TRIM33: variants seen among roughly 807,000 people sequenced by gnomAD.
TRIM33 encodes tripartite motif containing 33.
TRIM33 carries 20 observed loss-of-function variants against 125.4 expected under a neutral mutation model. The observed-to-expected ratio is 0.16, with a 90% CI of 0.11 to 0.23. TRIM33 has a LOEUF of 0.23. TRIM33 is among the 10% of genes least tolerant of loss of function. The pLI is 1.00. For missense variants in TRIM33, 920 were observed against 1,411.4 expected (o/e 0.65, Z 5.58); for synonymous variants, 564 against 513.9 (o/e 1.10, Z -1.32).
In TRIM33 at chr1:114,394,154, G is replaced by A. The variant is rs577576005; in HGVS notation, c.*3494C>T. 2 of 229,114 alleles carry A rather than the reference G, an allele frequency of 8.7e-6. No homozygotes were observed. The allele number at this position is 229,114 out of a possible 1,614,324, so 14.2% of individuals were successfully genotyped here. Reference sequence around the variant, plus strand: ...TTAAGAATCTGTTTTAACTAAGGGAGTTGGGTGCGTGGATTTTTTATAAAA... The same window carrying A: ...TTAAGAATCTGTTTTAACTAAGGGAATTGGGTGCGTGGATTTTTTATAAAA... On this transcript the variant is annotated 3_prime_UTR_variant, in exon 20 of 20. Transcript: ENST00000358465.
rs539512929 is a variant in TRIM33 at position 114,462,803 on chromosome 1, C to A, written c.923+301G>T. On this transcript the variant is annotated intron_variant, in intron 4 of 19. Coordinates refer to ENST00000358465, the MANE Select transcript of TRIM33 (RefSeq NM_015906.4). ...TACAGCCAAAAATACTATAGGACACCAAGAAAAAGCTTATTTGAATCACAG... is the reference window on the plus strand; with the variant it reads ...TACAGCCAAAAATACTATAGGACACAAAGAAAAAGCTTATTTGAATCACAG... 1.6e-3 allele frequency among the ~76,000 whole-genome samples: 241 copies of A among 152,014 alleles called. 4 individuals are homozygous for A. The highest frequency in any genetic ancestry group is 5.6e-3 in the African/African-American group (234 of 41,492).
chr1:114,404,422 AG>A (rs1191985975), intron 15 of TRIM33: 1 of 152,196 alleles, frequency 6.6e-6, no homozygotes, highest in Non-Finnish European at 1.5e-5. Flanking sequence ...CTGGGATTAC[AG>A]GTGTGAGCTA....
At chr1:114,403,027 G>T in intron 15 of TRIM33, 144 bp from the exon 16 acceptor site, 2 of 762,114 alleles carry the variant, frequency 2.6e-6, no homozygotes, top group Admixed American at 3.5e-5. Context: ...ATCTCGTCAG[G>T]TGAAGTCATG....
intron 7 of TRIM33, 71 bp from the exon 8 acceptor site, chr1:114,427,365 T>A: frequency 1.1e-5 from 9 of 851,140 alleles, no homozygotes; most frequent in Admixed American, 7.0e-5. Flanking sequence ...ATAAAGACAT[T>A]AAGAAAAAAA....
chr1:114,452,912 C>G (rs1216067699), intron 4 of TRIM33, among the ~76,000 whole-genome samples: 3 of 150,886 alleles, frequency 2.0e-5, no homozygotes, highest in Admixed American at 6.6e-5. Flanking sequence ...CTCCTAAAAA[C>G]AAACAACCCA....
At chr1:114,438,663 G>C (rs763347413) in intron 4 of TRIM33, among the ~76,000 whole-genome samples, 13 of 151,988 alleles carry the variant, frequency 8.6e-5, no homozygotes, top group Non-Finnish European at 1.5e-4. Flanking sequence ...AGATGACTTT[G>C]ACAACCCTCT....
chr1:114,418,012 G>A (rs1343885901), intron 11 of TRIM33, among the ~76,000 whole-genome samples: 1 of 152,152 alleles, frequency 6.6e-6, no homozygotes. Flanking sequence ...CAATGAAACT[G>A]CATCAGTTCG....
At chr1:114,428,369 T>C (rs1647725308) in intron 6 of TRIM33, among the ~76,000 whole-genome samples, 2 of 152,226 alleles carry the variant, frequency 1.3e-5, no homozygotes, top group South Asian at 4.1e-4. Flanking sequence ...TCCAGAGTTC[T>C]AAGAGTAGAA....
intron 5 of TRIM33, among the ~76,000 whole-genome samples, chr1:114,432,019 GAAGA>G (rs1212675001): frequency 4.6e-5 from 7 of 152,008 alleles, no homozygotes; most frequent in Non-Finnish European, 8.8e-5. Context: ...GTTCAGTTTT[GAAGA>G]AAGAAAAAAA....
chr1:114,443,006 G>A (rs1256100651), intron 4 of TRIM33, among the ~76,000 whole-genome samples: 2 of 151,220 alleles, frequency 1.3e-5, no homozygotes, highest in East Asian at 3.9e-4. Flanking sequence ...TAATTCAAAA[G>A]TCCAATTCTA....
chr1:114,402,306 G>C lies in TRIM33; in HGVS notation c.2892+454C>G, dbSNP rs377274923. On this transcript the variant is annotated intron_variant, in intron 16 of 19. Coordinates refer to ENST00000358465, the MANE Select transcript of TRIM33 (RefSeq NM_015906.4). ...AACTATAAAGGTCAAGAGCAGAAGC[G>C]GGGAGAGCAGTTAAGAGATCACTAC... Among the ~76,000 whole-genome samples the C allele has an allele frequency of 1.6e-4, 24 of 152,230 alleles. 1 individual carries two copies. Among genetic ancestry groups the C allele is most frequent in the Middle Eastern group, 3.4e-3 (1 of 292 alleles).
At chr1:114,486,451 G>A (rs1381902243) in intron 1 of TRIM33, among the ~76,000 whole-genome samples, 2 of 145,012 alleles carry the variant, frequency 1.4e-5, no homozygotes, top group African/African-American at 5.2e-5. Context: ...GAGAAACTCC[G>A]TTTCTAACAA....
intron 5 of TRIM33, among the ~76,000 whole-genome samples, chr1:114,432,614 G>A (rs1215240432): frequency 4.6e-5 from 7 of 151,980 alleles, no homozygotes; most frequent in East Asian, 1.9e-4. Context: ...GTGAAACCCC[G>A]TCTCTACTAA....
Position 114,433,733 on chromosome 1 carries a change from C to A in TRIM33, c.924G>T (p.Arg308Ser). Reference protein sequence around the residue: ...DCQLLEHKEHRYQFLEEAFQN... With the variant: ...DCQLLEHKEHSYQFLEEAFQN... ...GAAAAGCTTCTTCCAAAAACTGATA[C>A]CTTAAAACCAAAACAAAACTACATT... is the stretch of plus-strand genomic sequence containing the variant. Residue 308 changes from arginine to serine, a missense_variant and splice_region_variant, in exon 5 of 20, where the codon AGG becomes AGT. Around this residue, in one of 8 missense-constraint regions of TRIM33, gnomAD observed 50 missense variants for 110.8 expected, o/e 0.45. Transcript: ENST00000358465. 2 of 1,567,078 alleles carry A rather than the reference C, an allele frequency of 1.3e-6. No individual in the cohort carries two copies. Among genetic ancestry groups the A allele is most frequent in the South Asian group, 1.2e-5 (1 of 85,996 alleles).
chr1:114,499,397 TA>T lies in TRIM33; in HGVS notation c.526+11153del, dbSNP rs879525344. Reference sequence around the variant, plus strand: ...GTGCATAAGCAAAGAACAGTGAAATTAAAAAAAAAAAAATCTGACCAACAGC... The same window carrying T: ...GTGCATAAGCAAAGAACAGTGAAATTAAAAAAAAAAAATCTGACCAACAGC... On this transcript the variant is annotated intron_variant, in intron 1 of 19. Coordinates refer to ENST00000358465, the MANE Select transcript of TRIM33 (RefSeq NM_015906.4). Among the ~76,000 whole-genome samples, 1,212 of 143,164 alleles carry T rather than the reference TA, an allele frequency of 8.5e-3. 4 individuals carry two copies. Among genetic ancestry groups the T allele is most frequent in the Admixed American group, 0.017 (245 of 14,422 alleles). The allele number at this position is 143,164 out of a possible 152,430, so 93.9% of individuals were successfully genotyped here. A position where few individuals can be genotyped will look rare whatever the true frequency, so the allele number is the denominator to read the frequency against.
At chr1:114,428,011 A>ATCAT in intron 6 of TRIM33, 117 bp from the exon 7 acceptor site, 1 of 1,034,278 alleles carries the variant, frequency 9.7e-7, no homozygotes, top group Non-Finnish European at 1.4e-6. Context: ...TAAGTGAATA[A>ATCAT]GCTCCATGAT....
intron 1 of TRIM33, among the ~76,000 whole-genome samples, chr1:114,474,409 TAA>T (rs35612457): frequency 7.3e-6 from 1 of 136,268 alleles, no homozygotes; most frequent in Non-Finnish European, 1.6e-5. Context: ...TTCTACAAAT[TAA>T]AAAAAAAAAA....
chr1:114,397,174 G>C lies in TRIM33; in HGVS notation c.*474C>G, dbSNP rs545333529. ...CATTAAAGTAGAATCTGAGCTACTT[G>C]GGTTTTTAACTAGAAAACAACCTGA... On this transcript the variant is annotated 3_prime_UTR_variant, in exon 20 of 20. Coordinates refer to ENST00000358465, the MANE Select transcript of TRIM33 (RefSeq NM_015906.4). 3 of 230,094 alleles carry C rather than the reference G, an allele frequency of 1.3e-5. No homozygotes were observed. The East Asian group carries it at 1.9e-4, about 15-fold the overall frequency. 14.3% of individuals were successfully genotyped at this position (230,094 alleles called of 1,614,324 possible).
chr1:114,405,107 G>A (rs754601064), intron 15 of TRIM33: 4 of 223,916 alleles, frequency 1.8e-5, no homozygotes, highest in Non-Finnish European at 2.6e-5. Context: ...TACAGAATTA[G>A]AACCAGACTG....
Sources: allele counts gnomAD v4.1 joint callset (sites outside exome capture counted in the v4.1 genomes callset), GRCh38; gene constraint gnomAD v4.1.1; regional missense constraint gnomAD v4.1.1; transcripts MANE v1.5; gene names NCBI Gene and HGNC (gene_info 2026-07-23, HGNC 2026-07-21).